Variants in RBM17 observed in about 807,000 individuals in gnomAD.
The protein encoded by RBM17 is RNA binding motif protein 17.
Under a neutral mutation model 53.2 loss-of-function variants are expected in RBM17, and 7 were observed. The ratio of observed to expected loss-of-function variants is 0.13; its 90% CI spans 0.07 to 0.25. The LOEUF is 0.25. Ranked by LOEUF, RBM17 falls within the 10% of genes least tolerant of loss-of-function variation. The pLI, the probability that RBM17 is intolerant of heterozygous loss-of-function variation, is 1.00. For synonymous variants in RBM17, 167 were observed against 178.1 expected (o/e 0.94, Z 0.50); for missense variants, 257 against 496.7 (o/e 0.52, Z 4.59).
chr10:6,103,934 G>A (rs1414729023), intron 3 of RBM17, among the ~76,000 whole-genome samples: 1 of 152,164 alleles, frequency 6.6e-6, no homozygotes, highest in East Asian at 1.9e-4. Context: ...GGCGCTCAAG[G>A]ACATGAATCC....
At chr10:6,099,432 A>G (rs1412622710) in intron 2 of RBM17, among the ~76,000 whole-genome samples, 2 of 152,144 alleles carry the variant, frequency 1.3e-5, no homozygotes, top group Non-Finnish European at 2.9e-5. Flanking sequence ...GAAAAAATAC[A>G]GTTGTTTCTT....
At chr10:6,107,857 T>C (rs1240129447) in intron 5 of RBM17, among the ~76,000 whole-genome samples, 1 of 152,194 alleles carries the variant, frequency 6.6e-6, no homozygotes, top group African/African-American at 2.4e-5. Context: ...TTTTACATTT[T>C]GTTTTTATTT....
intron 6 of RBM17, 129 bp from the exon 7 acceptor site, chr10:6,109,857 G>C: frequency 1.5e-6 from 1 of 666,410 alleles, no homozygotes; most frequent in Non-Finnish European, 2.4e-6. Context: ...AATTGATTTG[G>C]TGTTTTTCTC....
intron 10 of RBM17, 169 bp from the exon 11 acceptor site, chr10:6,115,070 G>T (rs1409918887): frequency 4.9e-6 from 3 of 617,396 alleles, no homozygotes; most frequent in Admixed American, 3.2e-5. Flanking sequence ...CAGGCATTCA[G>T]TACGTTTTTG....
chr10:6,106,037 TG>T (rs1840743739), intron 4 of RBM17, 103 bp from the exon 5 acceptor site: 1 of 738,252 alleles, frequency 1.4e-6, no homozygotes, highest in African/African-American at 1.8e-5. Context: ...CATAGTTGAT[TG>T]TGACAGGATT....
At chr10:6,108,583 G>GT (rs1243302668) in intron 5 of RBM17, 103 bp from the exon 6 acceptor site, 2 of 846,116 alleles carry the variant, frequency 2.4e-6, no homozygotes, top group African/African-American at 1.8e-5. Context: ...TCCTTTTTTA[G>GT]TTTTTTCTTA....
At chr10:6,097,652 CAG>C (rs1393440428) in intron 2 of RBM17, among the ~76,000 whole-genome samples, 1 of 152,208 alleles carries the variant, frequency 6.6e-6, no homozygotes, top group Non-Finnish European at 1.5e-5. Context: ...GCCTGAGCGA[CAG>C]AGCAAGACTC....
In RBM17 at chr10:6,089,297, C is replaced by G. The variant is rs1840440775; in HGVS notation, c.-19+104C>G. 1 of 152,102 alleles carries G rather than the reference C, an allele frequency of 6.6e-6. No individual in the cohort carries two copies. The highest frequency in any genetic ancestry group is 1.5e-5 in the Non-Finnish European group (1 of 68,040). 9.4% of individuals were successfully genotyped at this position (152,102 alleles called of 1,614,324 possible). On this transcript the variant is annotated intron_variant, in intron 1 of 11. Transcript: ENST00000379888. The surrounding 1 kb of genome is among the most constrained non-coding windows in gnomAD (Gnocchi z 5.6). ...CGCAAGCCCGCGGCTTTAGGCCCGT[C>G]GCGAGGGGCGGAGGCCGGGCCAGCG...
Position 6,110,017 on chromosome 10 carries a change from A to C in RBM17, c.594A>C (p.Ser198=). ...LPRDFPYEED[S]RPRSQSSKAA... Reference sequence around the variant, plus strand: ...GAGATTTTCCTTATGAAGAGGACTCAAGACCTCGATCACAGTCTTCCAAAG... The same window carrying C: ...GAGATTTTCCTTATGAAGAGGACTCCAGACCTCGATCACAGTCTTCCAAAG... Residue 198 remains serine, a synonymous_variant, in exon 7 of 12, where the codon TCA becomes TCC. Transcript: ENST00000379888. The C allele has an allele frequency of 1.2e-6, 2 of 1,612,680 alleles. No individual in the cohort carries two copies. The highest frequency in any genetic ancestry group is 1.7e-6 in the Non-Finnish European group (2 of 1,179,126).
At chr10:6,100,585 G>A (rs192829652) in intron 2 of RBM17, among the ~76,000 whole-genome samples, 8 of 152,246 alleles carry the variant, frequency 5.3e-5, no homozygotes, top group African/African-American at 1.9e-4. Flanking sequence ...TGATGGTGAT[G>A]ATGATGATGG....
intron 8 of RBM17, 70 bp from the exon 9 acceptor site, chr10:6,113,438 C>A: frequency 9.9e-7 from 1 of 1,013,554 alleles, no homozygotes; most frequent in South Asian, 1.3e-5. Flanking sequence ...AAGTAGGACT[C>A]AGTTCTGTAA....
intron 1 of RBM17, among the ~76,000 whole-genome samples, chr10:6,094,214 G>A (rs1160856466): frequency 2.0e-5 from 3 of 151,936 alleles, no homozygotes; most frequent in East Asian, 1.9e-4. Flanking sequence ...TCCTGACCTC[G>A]TGATCCACCC....
chr10:6,112,790 G>A lies in RBM17; in HGVS notation c.856+429G>A. On this transcript the variant is annotated intron_variant, in intron 8 of 11. Transcript: ENST00000379888. The surrounding 1 kb of genome is among the most constrained non-coding windows in gnomAD (Gnocchi z 4.4). ...TCCCTTTTGCCCTTTCAGTATAGAT[G>A]TGATTTCTGATTCTCTTACAGATTG... 1 of 223,628 alleles carries A rather than the reference G, an allele frequency of 4.5e-6. No homozygotes were observed. Among genetic ancestry groups the A allele is most frequent in the Non-Finnish European group, 9.0e-6 (1 of 110,768 alleles). The allele number at this position is 223,628 out of a possible 1,614,324, so 13.9% of individuals were successfully genotyped here. A position where few individuals can be genotyped will look rare whatever the true frequency, so the allele number is the denominator to read the frequency against.
rs1025553374 is a variant in RBM17, at chr10:6,112,442, G to A, written c.856+81G>A. 2 of 1,526,422 alleles carry A rather than the reference G, an allele frequency of 1.3e-6. No homozygotes were observed. The highest frequency in any genetic ancestry group is 1.8e-6 in the Non-Finnish European group (2 of 1,111,120). The allele number at this position is 1,526,422 out of a possible 1,614,324, so 94.6% of individuals were successfully genotyped here. Reference sequence around the variant, plus strand: ...AGACATGGCCAGTCTTGATCCTCATGTGTCAGCAGGGGGACAATGAGGCGT... The same window carrying A: ...AGACATGGCCAGTCTTGATCCTCATATGTCAGCAGGGGGACAATGAGGCGT... On this transcript the variant is annotated intron_variant, in intron 8 of 11. Transcript: ENST00000379888. This position sits in a 1 kb window ranked among gnomAD's most constrained non-coding sequence, Gnocchi z 4.4.
rs910957085 is a variant in RBM17, at chr10:6,096,180, AT to A, written c.-18-858del. 5.9e-5 allele frequency among the ~76,000 whole-genome samples: 9 copies of A among 151,404 alleles called. No homozygotes were observed. In the East Asian group the frequency reaches 1.2e-3, roughly 20 times the overall value. The stretch of plus-strand genomic sequence containing the variant: ...TATGTTGGTGGGTTTCAGAATGTTG[AT>A]TTTTTTTTTAAAAAGTGGCAGTTGG... On this transcript the variant is annotated intron_variant, in intron 1 of 11. Coordinates refer to ENST00000379888, the MANE Select transcript of RBM17 (RefSeq NM_032905.5).
intron 3 of RBM17, among the ~76,000 whole-genome samples, chr10:6,102,748 A>G (rs1159388802): frequency 1.3e-5 from 2 of 152,174 alleles, no homozygotes; most frequent in African/African-American, 4.8e-5. Context: ...CTGTAAAACC[A>G]CCTAGATTTG....
chr10:6,104,134 C>T (rs1840710296), intron 3 of RBM17, among the ~76,000 whole-genome samples: 3 of 152,202 alleles, frequency 2.0e-5, no homozygotes, highest in Non-Finnish European at 1.5e-5. Flanking sequence ...TCCAGCACCA[C>T]GTGTAGACCG....
intron 3 of RBM17, among the ~76,000 whole-genome samples, chr10:6,102,903 G>A (rs1209099355): frequency 2.0e-5 from 3 of 152,122 alleles, no homozygotes; most frequent in South Asian, 2.1e-4. Context: ...GGGCTCAAGC[G>A]ATCCTTCCAC....
chr10:6,096,326 A>T (rs1487830817), intron 1 of RBM17, among the ~76,000 whole-genome samples: 1 of 152,126 alleles, frequency 6.6e-6, no homozygotes, highest in Admixed American at 6.5e-5. Context: ...CTGGGCTTTC[A>T]TGGGACCTGC....
Sources: allele counts gnomAD v4.1 joint callset (sites outside exome capture counted in the v4.1 genomes callset), GRCh38; gene constraint gnomAD v4.1.1; non-coding constraint Gnocchi (gnomAD v3.1); transcripts MANE v1.5; gene names NCBI Gene and HGNC (gene_info 2026-07-23, HGNC 2026-07-21).